The following FKBP5 variants were observed in gnomAD, a reference collection of about 807,000 sequenced individuals.
FKBP5 encodes the protein peptidyl-prolyl cis-trans isomerase FKBP5.
Under a neutral mutation model 50.5 loss-of-function variants are expected in FKBP5, and 23 were observed. The observed-to-expected ratio is 0.46, with a 90% CI of 0.33 to 0.65. The LOEUF (loss-of-function observed/expected upper bound fraction) is 0.65, where lower values mean the gene tolerates loss of function less well. FKBP5 is among the 30% of genes least tolerant of loss of function. The pLI, the probability that FKBP5 is intolerant of heterozygous loss-of-function variation, is 0.02. For missense variants in FKBP5, 411 were observed against 553.1 expected, an observed-to-expected ratio of 0.74 and a Z score of 2.58; for synonymous variants, 176 against 190.6, an observed-to-expected ratio of 0.92 and a Z score of 0.63.
intron 1 of FKBP5, among the ~76,000 whole-genome samples, chr6:35,677,794 A>G (rs1417171794): frequency 6.6e-6 from 1 of 150,896 alleles, no homozygotes; most frequent in East Asian, 1.9e-4. Flanking sequence ...TTTTTAATTT[A>G]ATTTTTAAAA....
intron 2 of FKBP5, among the ~76,000 whole-genome samples, chr6:35,694,851 A>G (rs1355801850): frequency 6.6e-6 from 1 of 152,198 alleles, no homozygotes; most frequent in Non-Finnish European, 1.5e-5. Context: ...TGTCCAGCCA[A>G]CTTTTTTAAG....
intron 1 of FKBP5, among the ~76,000 whole-genome samples, chr6:35,679,735 CATACAGAGTG>C (rs1765616924): frequency 6.6e-6 from 1 of 152,088 alleles, no homozygotes; most frequent in Non-Finnish European, 1.5e-5. Flanking sequence ...TACACAAAGG[CATACAGAGTG>C]ATATAATGGA....
chr6:35,607,103 A>G (rs919830636), intron 5 of FKBP5, among the ~76,000 whole-genome samples: 6 of 151,916 alleles, frequency 3.9e-5, no homozygotes, highest in Non-Finnish European at 7.4e-5. Flanking sequence ...ACACCCAGCT[A>G]ATTTTTGTAT....
intron 3 of FKBP5, among the ~76,000 whole-genome samples, chr6:35,622,781 C>T (rs1357841655): frequency 6.6e-6 from 1 of 152,130 alleles, no homozygotes; most frequent in African/African-American, 2.4e-5. Flanking sequence ...TTTTAGAGGT[C>T]AAAAATGCAG....
chr6:35,628,162 T>C (rs1764055868), intron 3 of FKBP5, among the ~76,000 whole-genome samples: 1 of 152,128 alleles, frequency 6.6e-6, no homozygotes, highest in Admixed American at 6.6e-5. Flanking sequence ...TTTTTGCAGA[T>C]GGTGTAAGAT....
chr6:35,654,713 T>A (rs150563498), intron 1 of FKBP5, among the ~76,000 whole-genome samples: 2 of 152,086 alleles, frequency 1.3e-5, no homozygotes, highest in Non-Finnish European at 2.9e-5. Context: ...CAACCTCCAC[T>A]TCCCGGGTTC....
At chr6:35,644,112 A>T (rs948275932) in intron 1 of FKBP5, among the ~76,000 whole-genome samples, 3 of 152,230 alleles carry the variant, frequency 2.0e-5, no homozygotes, top group African/African-American at 7.2e-5. Context: ...AAGGTATACT[A>T]TTCAAATGTT....
At chr6:35,610,987 A>G (rs1763474993) in intron 5 of FKBP5, among the ~76,000 whole-genome samples, 2 of 152,070 alleles carry the variant, frequency 1.3e-5, no homozygotes, top group Admixed American at 1.3e-4. Context: ...TTTTATAACA[A>G]CCCTGATGAT....
At chr6:35,702,127 C>T (rs530674758) in intron 2 of FKBP5, among the ~76,000 whole-genome samples, 2 of 151,886 alleles carry the variant, frequency 1.3e-5, no homozygotes, top group South Asian at 2.1e-4. Flanking sequence ...GGATTACAGG[C>T]GTGAGCCACC....
chr6:35,727,649 C>T (rs929338911), intron 1 of FKBP5, among the ~76,000 whole-genome samples: 2 of 152,182 alleles, frequency 1.3e-5, no homozygotes, highest in Non-Finnish European at 2.9e-5. Flanking sequence ...TTGAATTGGC[C>T]CCCTCAACAC....
chr6:35,685,863 T>C (rs1765808761), intron 1 of FKBP5, among the ~76,000 whole-genome samples: 1 of 151,522 alleles, frequency 6.6e-6, no homozygotes, highest in African/African-American at 2.4e-5. Context: ...AGGCCTGTAG[T>C]GTCAGCTACT....
intron 1 of FKBP5, among the ~76,000 whole-genome samples, chr6:35,669,454 C>A (rs940944662): frequency 6.6e-6 from 1 of 152,082 alleles, no homozygotes; most frequent in Admixed American, 6.5e-5. Context: ...TAAATACATA[C>A]ATATTTCAGT....
intron 9 of FKBP5, among the ~76,000 whole-genome samples, chr6:35,578,055 CAA>C (rs143946034): frequency 0.54 from 56,840 of 104,764 alleles, 12,170 homozygotes; most frequent in East Asian, 0.65. Context: ...CTCTTGTCTC[CAA>C]AAAAAAAAAA....
chr6:35,625,469 G>A (rs1581828911), intron 3 of FKBP5, among the ~76,000 whole-genome samples: 1 of 151,698 alleles, frequency 6.6e-6, no homozygotes, highest in Non-Finnish European at 1.5e-5. Context: ...CGGTGCAGTG[G>A]CTCACGCCTG....
intron 7 of FKBP5, among the ~76,000 whole-genome samples, chr6:35,589,886 G>C (rs550701275): frequency 6.6e-6 from 1 of 152,218 alleles, no homozygotes; most frequent in East Asian, 1.9e-4. Context: ...ACTACTGGGG[G>C]TGAATCCCAA....
intron 1 of FKBP5, among the ~76,000 whole-genome samples, chr6:35,650,401 GAAAA>G (rs200951563): frequency 7.2e-6 from 1 of 138,272 alleles, no homozygotes. Context: ...CTGGACCATT[GAAAA>G]AAAAAAAAGT....
intron 9 of FKBP5, among the ~76,000 whole-genome samples, chr6:35,577,732 G>A (rs1377210093): frequency 2.6e-5 from 4 of 152,132 alleles, no homozygotes; most frequent in Admixed American, 2.0e-4. Context: ...TAAAATAAAC[G>A]GGGCCAGGAT....
intron 2 of FKBP5, among the ~76,000 whole-genome samples, chr6:35,702,108 A>G (rs1766199377): frequency 6.6e-6 from 1 of 152,070 alleles, no homozygotes; most frequent in South Asian, 2.1e-4. Context: ...CTGGCCTCCT[A>G]AAGTGCTGGG....
Position 35,577,165 on chromosome 6 carries a change from G to A in FKBP5, c.1095C>T (p.Asn365=), listed in dbSNP as rs34866878. 0.031 allele frequency: 49,605 copies of A among 1,613,930 alleles called. 1,892 individuals carry two copies. Among genetic ancestry groups the A allele is most frequent in the African/African-American group, 0.19 (14,525 of 74,914 alleles). ...YRRGEAQLLM[N]EFESAKGDFE... ...AGTCACCCTTGGCTGACTCAAACTC[G>A]TTCATGAGCAGCTGGGCTTCACCCC... is the stretch of plus-strand genomic sequence containing the variant. Residue 365 remains asparagine, a synonymous_variant, in exon 10 of 11, where the codon AAC becomes AAT. Coordinates refer to ENST00000357266, the MANE Select transcript of FKBP5 (RefSeq NM_004117.4).
Sources: allele counts gnomAD v4.1 joint callset (sites outside exome capture counted in the v4.1 genomes callset), GRCh38; gene constraint gnomAD v4.1.1; transcripts MANE v1.5; gene names NCBI Gene and HGNC (gene_info 2026-07-23, HGNC 2026-07-21).